Variants in AUTS2 observed in about 807,000 individuals in gnomAD.
AUTS2 encodes the protein activator of transcription and developmental regulator AUTS2, also known as autism susceptibility gene 2 protein.
A neutral mutation model predicts 112.4 loss-of-function variants in AUTS2; 17 were observed. The ratio of observed to expected loss-of-function variants is 0.15; its 90% CI spans 0.10 to 0.23. The LOEUF (loss-of-function observed/expected upper bound fraction) is 0.23, where lower values mean the gene tolerates loss of function less well. AUTS2 is among the 10% of genes least tolerant of loss of function. The probability of loss-of-function intolerance (pLI) is 1.00; values close to 1 mark genes in which losing one functional copy is unlikely to be tolerated. For synonymous variants in AUTS2, 751 were observed against 702.7 expected (o/e 1.07, Z -1.09); for missense variants, 1,510 against 1,701.6 (o/e 0.89, Z 1.98).
chr7:69,635,526 C>A (rs1794478233), intron 1 of AUTS2, among the ~76,000 whole-genome samples: 1 of 152,186 alleles, frequency 6.6e-6, no homozygotes, highest in African/African-American at 2.4e-5. Flanking sequence ...GACATGAATG[C>A]TCTAGCCCTG....
intron 4 of AUTS2, among the ~76,000 whole-genome samples, chr7:70,262,409 C>CA (rs1787214146): frequency 6.6e-6 from 1 of 152,148 alleles, no homozygotes; most frequent in Non-Finnish European, 1.5e-5. Context: ...AGGCTTGTCT[C>CA]AAACTCCTGA....
At chr7:69,832,989 C>T (rs1791566093) in intron 1 of AUTS2, among the ~76,000 whole-genome samples, 1 of 152,170 alleles carries the variant, frequency 6.6e-6, no homozygotes, top group Admixed American at 6.5e-5. Flanking sequence ...TAATTTCCCT[C>T]CTTGATGTCC....
At chr7:69,786,931 A>C (rs1012941937) in intron 1 of AUTS2, among the ~76,000 whole-genome samples, 59 of 152,370 alleles carry the variant, frequency 3.9e-4, no homozygotes, top group African/African-American at 1.4e-3. Context: ...GGCAGACATC[A>C]GAAATTTTTA....
At chr7:70,164,001 G>C (rs543956778) in intron 4 of AUTS2, among the ~76,000 whole-genome samples, 128 of 152,290 alleles carry the variant, frequency 8.4e-4, no homozygotes, top group Non-Finnish European at 5.1e-4. Flanking sequence ...GGAGTGGCAA[G>C]AGCATGGGAA....
chr7:70,359,208 G>T (rs1792144867), intron 4 of AUTS2, among the ~76,000 whole-genome samples: 1 of 152,204 alleles, frequency 6.6e-6, no homozygotes, highest in Admixed American at 6.5e-5. Flanking sequence ...ACAAAGTAAA[G>T]CACTTCGAAC....
intron 5 of AUTS2, among the ~76,000 whole-genome samples, chr7:70,625,633 T>C (rs1021230641): frequency 1.4e-4 from 22 of 152,212 alleles, no homozygotes; most frequent in Non-Finnish European, 2.4e-4. Flanking sequence ...CCAAGCATTG[T>C]TGATTGCACC....
At chr7:70,606,305 T>A (rs1195478579) in intron 5 of AUTS2, among the ~76,000 whole-genome samples, 1 of 152,014 alleles carries the variant, frequency 6.6e-6, no homozygotes, top group African/African-American at 2.4e-5. Context: ...ACTGAGTCCC[T>A]AACACTCTAG....
intron 1 of AUTS2, among the ~76,000 whole-genome samples, chr7:69,634,360 T>C (rs931733984): frequency 6.6e-6 from 1 of 152,046 alleles, no homozygotes; most frequent in Admixed American, 6.6e-5. Flanking sequence ...GACCTCGTGA[T>C]CCGCCCGCCT....
At position 70,448,705 on chromosome 7, in the gene AUTS2, C is replaced by T. The variant is rs536701941; in HGVS notation, c.690+12924C>T. Among the ~76,000 whole-genome samples, 38 of 152,246 alleles carry T rather than the reference C, an allele frequency of 2.5e-4. 1 individual carries two copies. In the South Asian group the frequency reaches 3.1e-3, roughly 12 times the overall value. Reference sequence around the variant, plus strand: ...ACATATGTGGATTATTTAGTTGGTGCGTTTAAGTAAGTTACACTTGCACCC... The same window carrying T: ...ACATATGTGGATTATTTAGTTGGTGTGTTTAAGTAAGTTACACTTGCACCC... On this transcript the variant is annotated intron_variant, in intron 5 of 18. Coordinates refer to ENST00000342771, the MANE Select transcript of AUTS2 (RefSeq NM_015570.4).
chr7:69,947,727 G>T (rs1164851446), intron 2 of AUTS2, among the ~76,000 whole-genome samples: 1 of 152,088 alleles, frequency 6.6e-6, no homozygotes, highest in African/African-American at 2.4e-5. Flanking sequence ...TCTAAGCTTG[G>T]TTGCCTTGCT....
intron 4 of AUTS2, among the ~76,000 whole-genome samples, chr7:70,256,950 A>G (rs966152186): frequency 5.9e-5 from 9 of 152,322 alleles, no homozygotes; most frequent in South Asian, 2.1e-4. Flanking sequence ...CAGTGAATCC[A>G]GCACATCTCA....
intron 4 of AUTS2, among the ~76,000 whole-genome samples, chr7:70,349,252 C>T: frequency 6.6e-6 from 1 of 152,194 alleles, no homozygotes; most frequent in East Asian, 1.9e-4. Context: ...CGACTTAGAG[C>T]AGCCTGTGGG....
intron 2 of AUTS2, among the ~76,000 whole-genome samples, chr7:70,002,537 T>C (rs1048989047): frequency 6.6e-6 from 1 of 152,144 alleles, no homozygotes; most frequent in African/African-American, 2.4e-5. Context: ...CATATAGATT[T>C]TAACTCTTTT....
intron 1 of AUTS2, among the ~76,000 whole-genome samples, chr7:69,883,673 G>A (rs1187324438): frequency 6.6e-6 from 1 of 152,166 alleles, no homozygotes; most frequent in African/African-American, 2.4e-5. Flanking sequence ...CCAAGGCCCA[G>A]TTTAAACCAC....
rs1388463715 is a variant in AUTS2, at chr7:69,598,895, T to TC, written c.-757dup. On this transcript the variant is annotated 5_prime_UTR_variant, in exon 1 of 19. Transcript: ENST00000342771. ...TGCTCCAGCAGCATCCTCCTTCCCT[T>TC]CCTCCGCCTCCCTTCTCCTCCGCCG... 6.5e-6 allele frequency: 1 copy of TC among 153,694 alleles called. No individual in the cohort carries two copies. Among genetic ancestry groups the TC allele is most frequent in the East Asian group, 1.9e-4 (1 of 5,200 alleles). 9.5% of individuals were successfully genotyped at this position (153,694 alleles called of 1,614,324 possible).
At chr7:70,374,273 AATG>A (rs1012757545) in intron 4 of AUTS2, among the ~76,000 whole-genome samples, 2 of 152,228 alleles carry the variant, frequency 1.3e-5, no homozygotes, top group Non-Finnish European at 2.9e-5. Flanking sequence ...TAAAAAGAAA[AATG>A]ATGATAACAT....
At chr7:69,605,994 TATG>T (rs1562753399) in intron 1 of AUTS2, among the ~76,000 whole-genome samples, 1 of 152,236 alleles carries the variant, frequency 6.6e-6, no homozygotes, top group Non-Finnish European at 1.5e-5. Context: ...AACGTTGTGA[TATG>T]ATGATTCCAT....
chr7:69,829,391 A>G (rs904250694), intron 1 of AUTS2, among the ~76,000 whole-genome samples: 2 of 152,224 alleles, frequency 1.3e-5, no homozygotes, highest in African/African-American at 4.8e-5. Flanking sequence ...AAATGGACAA[A>G]TGGGATCTAA....
In AUTS2 at chr7:70,578,669, G is replaced by A. The variant is rs188171361; in HGVS notation, c.691-119900G>A. Among the ~76,000 whole-genome samples, 355 of 152,196 alleles carry A rather than the reference G, an allele frequency of 2.3e-3. 2 individuals are homozygous for A. Among genetic ancestry groups the A allele is most frequent in the African/African-American group, 7.8e-3 (324 of 41,530 alleles). On this transcript the variant is annotated intron_variant, in intron 5 of 18. Coordinates refer to ENST00000342771, the MANE Select transcript of AUTS2 (RefSeq NM_015570.4). ...CTCTTCATTATTTTTCCCAACTTCTGATATAGTTGAGGAACGAGGCCTATT... is the reference window on the plus strand; with the variant it reads ...CTCTTCATTATTTTTCCCAACTTCTAATATAGTTGAGGAACGAGGCCTATT...
Sources: allele counts gnomAD v4.1 joint callset (sites outside exome capture counted in the v4.1 genomes callset), GRCh38; gene constraint gnomAD v4.1.1; transcripts MANE v1.5; gene names NCBI Gene and HGNC (gene_info 2026-07-23, HGNC 2026-07-21).